Variants in MAP2 observed in about 807,000 individuals in gnomAD.
The protein encoded by MAP2 is microtubule associated protein 2.
MAP2 carries 14 observed loss-of-function variants against 137.6 expected under a neutral mutation model. That is an observed-to-expected ratio of 0.10 (90% CI 0.07 to 0.16). MAP2 has a LOEUF of 0.16. MAP2 is among the 10% of genes least tolerant of loss of function. The probability of loss-of-function intolerance (pLI) is 1.00; values close to 1 mark genes in which losing one functional copy is unlikely to be tolerated. For synonymous variants in MAP2, 786 were observed against 782.3 expected, an observed-to-expected ratio of 1.00 and a Z score of -0.08; for missense variants, 2,088 against 2,191.5, an observed-to-expected ratio of 0.95 and a Z score of 0.94.
intron 2 of MAP2, among the ~76,000 whole-genome samples, chr2:209,571,267 G>T (rs2153372778): frequency 6.6e-6 from 1 of 151,876 alleles, no homozygotes; most frequent in South Asian, 2.1e-4. Context: ...TATTATGAAG[G>T]TACATTACAT....
At chr2:209,508,315 CTT>C (rs34046964) in intron 2 of MAP2, among the ~76,000 whole-genome samples, 8,762 of 151,130 alleles carry the variant, frequency 0.058, 285 homozygotes, top group South Asian at 0.093. Context: ...GAAATGAAGA[CTT>C]TTATTGCTTA....
At chr2:209,539,680 G>A (rs115342909) in intron 2 of MAP2, among the ~76,000 whole-genome samples, 4,110 of 151,902 alleles carry the variant, frequency 0.027, 190 homozygotes, top group African/African-American at 0.094. Flanking sequence ...ACACTTACTA[G>A]TAAATATGAA....
At chr2:209,682,702 A>G (rs1185388278) in intron 7 of MAP2, among the ~76,000 whole-genome samples, 2 of 152,150 alleles carry the variant, frequency 1.3e-5, no homozygotes, top group African/African-American at 4.8e-5. Flanking sequence ...AAATAAAGAT[A>G]GAAAAAAGCA....
chr2:209,520,727 T>C (rs1202961383), intron 2 of MAP2, among the ~76,000 whole-genome samples: 1 of 152,078 alleles, frequency 6.6e-6, no homozygotes, highest in Non-Finnish European at 1.5e-5. Context: ...TGAGGTCATT[T>C]GCTTATTAAA....
chr2:209,594,063 A>G (rs1473326014), intron 3 of MAP2, among the ~76,000 whole-genome samples: 1 of 145,320 alleles, frequency 6.9e-6, no homozygotes, highest in Non-Finnish European at 1.5e-5. Context: ...CGAGAGGATC[A>G]CTGGAGCCCA....
intron 2 of MAP2, among the ~76,000 whole-genome samples, chr2:209,526,604 C>A (rs2064095957): frequency 9.8e-6 from 1 of 101,592 alleles, no homozygotes; most frequent in Non-Finnish European, 1.8e-5. Context: ...AGCAAGGATT[C>A]TCCCTGGGGC....
intron 6 of MAP2, among the ~76,000 whole-genome samples, chr2:209,679,886 C>A: frequency 6.6e-6 from 1 of 152,044 alleles, no homozygotes; most frequent in East Asian, 1.9e-4. Context: ...AAAAAAGTCA[C>A]CTGTCATCCC....
chr2:209,652,290 A>T (rs748441577), intron 4 of MAP2, among the ~76,000 whole-genome samples: 2 of 152,154 alleles, frequency 1.3e-5, no homozygotes, highest in Non-Finnish European at 2.9e-5. Context: ...AATGGTTTTA[A>T]CTTTTTCAGA....
Position 209,678,624 on chromosome 2 carries a change from C to G in MAP2, c.315C>G (p.Val105=). ...VQVVTAEAVA[V]LKGEQEKEAQ... ...TAGTCACTGCTGAGGCTGTAGCAGT[C>G]CTGAAAGGTGAACAAGAGAAAGAAG... is the stretch of plus-strand genomic sequence containing the variant. Residue 105 remains valine (V), a synonymous_variant, in exon 6 of 16, where the codon GTC becomes GTG. Transcript: ENST00000682079. The G allele has an allele frequency of 6.2e-7, 1 of 1,607,908 alleles. No individual in the cohort carries two copies. The highest frequency in any genetic ancestry group is 2.2e-5 in the East Asian group (1 of 44,552).
intron 2 of MAP2, among the ~76,000 whole-genome samples, chr2:209,509,082 AC>A (rs1389027782): frequency 6.6e-6 from 1 of 151,892 alleles, no homozygotes; most frequent in African/African-American, 2.4e-5. Flanking sequence ...TGAGAGGTAA[AC>A]TTTTCCTTTC....
chr2:209,629,051 A>G (rs2092709559), intron 4 of MAP2, among the ~76,000 whole-genome samples: 2 of 152,238 alleles, frequency 1.3e-5, no homozygotes, highest in South Asian at 4.1e-4. Flanking sequence ...ATTATGAGAA[A>G]CTTTACTTAG....
chr2:209,438,146 G>A (rs905339361), intron 1 of MAP2, among the ~76,000 whole-genome samples: 6 of 151,662 alleles, frequency 4.0e-5, no homozygotes, highest in Admixed American at 4.0e-4. Context: ...TGAAAAGATG[G>A]TGTTGTACTT....
In MAP2 at chr2:209,732,454, A is replaced by G. The variant is rs186657740; in HGVS notation, c.*2057A>G. 2 of 152,188 alleles carry G rather than the reference A, an allele frequency of 1.3e-5. No individual in the cohort carries two copies. Among genetic ancestry groups the G allele is most frequent in the Admixed American group, 6.5e-5 (1 of 15,268 alleles). The allele number at this position is 152,188 out of a possible 1,614,324, so 9.4% of individuals were successfully genotyped here. On this transcript the variant is annotated 3_prime_UTR_variant, in exon 16 of 16. Transcript: ENST00000682079. ...AAACCTTAGAAACCTTAGGATCATT[A>G]TATCTATTTTCTGCCTATTAATTGC...
At chr2:209,509,039 CAG>C (rs999071419) in intron 2 of MAP2, among the ~76,000 whole-genome samples, 9 of 151,814 alleles carry the variant, frequency 5.9e-5, no homozygotes, top group Non-Finnish European at 1.0e-4. Flanking sequence ...TTTCAATGCA[CAG>C]AGTTAAGTTT....
chr2:209,448,872 G>A (rs1699702771), intron 1 of MAP2, among the ~76,000 whole-genome samples: 1 of 152,098 alleles, frequency 6.6e-6, no homozygotes, highest in South Asian at 2.1e-4. Context: ...GGGAATTAAA[G>A]CATGGACATA....
At chr2:209,689,680 T>A (rs915691175) in intron 7 of MAP2, among the ~76,000 whole-genome samples, 1 of 152,204 alleles carries the variant, frequency 6.6e-6, no homozygotes, top group Non-Finnish European at 1.5e-5. Context: ...CTCAATTATC[T>A]TTCCTTGGTG....
At chr2:209,648,345 C>T (rs796837989) in intron 4 of MAP2, among the ~76,000 whole-genome samples, 6 of 152,108 alleles carry the variant, frequency 3.9e-5, no homozygotes, top group South Asian at 2.1e-4. Flanking sequence ...ATGATCCACC[C>T]GACTTGGCCT....
At chr2:209,634,487 G>A (rs1210028545) in intron 4 of MAP2, among the ~76,000 whole-genome samples, 1 of 152,054 alleles carries the variant, frequency 6.6e-6, no homozygotes, top group Non-Finnish European at 1.5e-5. Context: ...GCGAGTGGAA[G>A]GGAAAAGACC....
At chr2:209,521,681 A>G (rs2063309041) in intron 2 of MAP2, among the ~76,000 whole-genome samples, 1 of 152,088 alleles carries the variant, frequency 6.6e-6, no homozygotes, top group African/African-American at 2.4e-5. Flanking sequence ...TATGCCTCTC[A>G]AAGATAACAT....
Sources: allele counts gnomAD v4.1 joint callset (sites outside exome capture counted in the v4.1 genomes callset), GRCh38; gene constraint gnomAD v4.1.1; transcripts MANE v1.5; gene names NCBI Gene and HGNC (gene_info 2026-07-23, HGNC 2026-07-21).